The following CELF2 variants were observed in gnomAD, a reference collection of about 807,000 sequenced individuals.
CELF2 encodes the protein CUG triplet repeat RNA-binding protein 2.
Under a neutral mutation model 62.6 loss-of-function variants are expected in CELF2, and 8 were observed. The ratio of observed to expected loss-of-function variants is 0.13; its 90% confidence interval spans 0.07 to 0.23. The LOEUF is 0.23. Among genes scored for constraint, CELF2 ranks in the 10% least tolerant of loss-of-function variants. CELF2 has a pLI of 1.00. For missense variants in CELF2, 333 were observed against 671.0 expected (o/e 0.50, Z 5.56); for synonymous variants, 258 against 250.0 (o/e 1.03, Z -0.30).
the CELF2 span, among the ~76,000 whole-genome samples, chr10:10,559,513 T>A: frequency 6.6e-6 from 1 of 152,216 alleles, no homozygotes; most frequent in African/African-American, 2.4e-5. Flanking sequence ...TAATCATGTA[T>A]GTATGGGCAC....
chr10:11,077,486 A>C (rs2072396403), intron 1 of CELF2, among the ~76,000 whole-genome samples: 1 of 152,190 alleles, frequency 6.6e-6, no homozygotes, highest in Non-Finnish European at 1.5e-5. Flanking sequence ...AGAAGTAATG[A>C]GGTCAATTTG....
intron 1 of CELF2, among the ~76,000 whole-genome samples, chr10:10,909,646 G>T (rs973320119): frequency 2.0e-5 from 3 of 152,170 alleles, no homozygotes; most frequent in African/African-American, 7.2e-5. Flanking sequence ...CATGTTATCT[G>T]CTTTCTCAGT....
At position 10,897,172 on chromosome 10, in the gene CELF2, A is replaced by G. The variant is rs953400154; in HGVS notation, c.54-22792A>G. Among the ~76,000 whole-genome samples, 9 of 152,222 alleles carry G rather than the reference A, an allele frequency of 5.9e-5. 1 individual carries two copies. Among genetic ancestry groups the G allele is most frequent in the Non-Finnish European group, 1.3e-4 (9 of 68,044 alleles). ...GAAGACCATGGCAGAGAAAGCATCT[A>G]TCATTTTAGAGAATACCTATATCAT... On this transcript the variant is annotated intron_variant, in intron 1 of 13. Transcript: ENST00000636488.
chr10:10,728,047 G>T, the CELF2 span, among the ~76,000 whole-genome samples: 4 of 152,090 alleles, frequency 2.6e-5, no homozygotes, highest in African/African-American at 9.6e-5. Flanking sequence ...TGGGTTGGGA[G>T]AAGAGAGAGG....
intron 4 of CELF2, among the ~76,000 whole-genome samples, chr10:11,251,516 G>T (rs150015840): frequency 1.3e-5 from 2 of 151,918 alleles, no homozygotes; most frequent in African/African-American, 4.8e-5. Context: ...ACCGGGCACC[G>T]TTATTTCTAG....
At chr10:10,967,120 C>A (rs750598179) in intron 2 of CELF2, among the ~76,000 whole-genome samples, 1 of 152,168 alleles carries the variant, frequency 6.6e-6, no homozygotes, top group Non-Finnish European at 1.5e-5. Flanking sequence ...GCCACGTGGT[C>A]AGAGGGTGTT....
At chr10:11,142,911 C>T (rs2061600840) in intron 1 of CELF2, among the ~76,000 whole-genome samples, 1 of 151,722 alleles carries the variant, frequency 6.6e-6, no homozygotes, top group Non-Finnish European at 1.5e-5. Flanking sequence ...TCTGTCCTCC[C>T]TCCACTGGGG....
At chr10:10,683,746 A>G in the CELF2 span, among the ~76,000 whole-genome samples, 1 of 152,204 alleles carries the variant, frequency 6.6e-6, no homozygotes, top group African/African-American at 2.4e-5. Flanking sequence ...TGGTTATGAA[A>G]GAAAAAAACT....
intron 1 of CELF2, among the ~76,000 whole-genome samples, chr10:10,814,214 T>TA (rs759524110): frequency 0.4 from 17,891 of 44,278 alleles, 5,605 homozygotes; most frequent in Non-Finnish European, 0.45. Context: ...AGAAGAGTCC[T>TA]AAAAAAAAAA....
At chr10:10,974,764 C>T (rs567012997) in intron 2 of CELF2, among the ~76,000 whole-genome samples, 2 of 152,116 alleles carry the variant, frequency 1.3e-5, no homozygotes, top group South Asian at 4.2e-4. Flanking sequence ...AAGTATATAC[C>T]ATCTTAGACA....
At chr10:10,625,851 G>A in the CELF2 span, among the ~76,000 whole-genome samples, 1 of 152,048 alleles carries the variant, frequency 6.6e-6, no homozygotes, top group Non-Finnish European at 1.5e-5. Flanking sequence ...CAGCACGATT[G>A]CTTCATTATC....
At chr10:10,472,088 T>C in the CELF2 span, among the ~76,000 whole-genome samples, 1 of 151,886 alleles carries the variant, frequency 6.6e-6, no homozygotes, top group African/African-American at 2.4e-5. Context: ...TTCTTTGTTT[T>C]AGTTCTGTTT....
At chr10:11,137,361 A>G (rs1317123022) in intron 1 of CELF2, among the ~76,000 whole-genome samples, 1 of 152,228 alleles carries the variant, frequency 6.6e-6, no homozygotes, top group Non-Finnish European at 1.5e-5. Context: ...AAATTAAGGC[A>G]TATTCTTTGG....
At chr10:10,863,372 A>C (rs535062206) in intron 1 of CELF2, among the ~76,000 whole-genome samples, 1 of 152,100 alleles carries the variant, frequency 6.6e-6, no homozygotes. Context: ...CTTGTTTACT[A>C]TTTCTTCCAA....
chr10:10,494,199 C>G, the CELF2 span, among the ~76,000 whole-genome samples: 8 of 152,242 alleles, frequency 5.3e-5, no homozygotes, highest in Non-Finnish European at 7.3e-5. Flanking sequence ...GAATCACTCT[C>G]TCTCCAGTTT....
rs766165405 is a variant in CELF2, at chr10:11,292,015, TC to T, written c.976+3464del. ...GATGCTTTAAAATTCTCCAAATGCT[TC>T]TGTAAGTGCAGACTTGACCAAGTAC... On this transcript the variant is annotated intron_variant, in intron 9 of 12. Transcript: ENST00000633077. 5.9e-5 allele frequency among the ~76,000 whole-genome samples: 9 copies of T among 152,326 alleles called. No homozygotes were observed. The South Asian group carries it at 1.7e-3, about 28-fold the overall frequency.
At chr10:10,787,304 T>C in the CELF2 span, among the ~76,000 whole-genome samples, 1 of 152,234 alleles carries the variant, frequency 6.6e-6, no homozygotes, top group Non-Finnish European at 1.5e-5. Context: ...TAATGGTTTC[T>C]AGTCCAGTAA....
the CELF2 span, among the ~76,000 whole-genome samples, chr10:10,790,676 C>T: frequency 1.3e-5 from 2 of 152,108 alleles, no homozygotes; most frequent in African/African-American, 2.4e-5. Context: ...AAAGGATTAC[C>T]AATGAATCTT....
the CELF2 span, among the ~76,000 whole-genome samples, chr10:10,662,912 A>G: frequency 6.6e-6 from 1 of 152,138 alleles, no homozygotes; most frequent in Non-Finnish European, 1.5e-5. Context: ...CCCCCACAGC[A>G]CTTGGCACAA....
Sources: allele counts gnomAD v4.1 joint callset (sites outside exome capture counted in the v4.1 genomes callset), GRCh38; gene constraint gnomAD v4.1.1; transcripts MANE v1.5; gene names NCBI Gene and HGNC (gene_info 2026-07-23, HGNC 2026-07-21).